Variants in DMD observed in about 807,000 individuals in gnomAD.
The protein encoded by DMD is mutant dystrophin.
In DMD, 63 loss-of-function variants were observed where a neutral mutation model predicts 330.1. The observed-to-expected ratio is 0.19, with a 90% confidence interval of 0.16 to 0.24. The LOEUF (loss-of-function observed/expected upper bound fraction) is 0.24, where lower values mean the gene tolerates loss of function less well. Among genes scored for constraint, DMD ranks in the 10% least tolerant of loss-of-function variants. The probability of loss-of-function intolerance (pLI) is 1.00; values close to 1 mark genes in which losing one functional copy is unlikely to be tolerated. For missense variants in DMD, 3,344 were observed against 2,684.1 expected, an observed-to-expected ratio of 1.25 and a Z score of -5.43; for synonymous variants, 1,223 against 959.8, an observed-to-expected ratio of 1.27 and a Z score of -5.07.
At position 32,193,527 on chromosome X, in the gene DMD, G is replaced by A. The variant is rs193046752; in HGVS notation, c.6438+23389C>T. Among the ~76,000 whole-genome samples, 230 of 111,218 alleles carry A rather than the reference G, an allele frequency of 2.1e-3. 1 individual carries two copies. Among genetic ancestry groups the A allele is most frequent in the African/African-American group, 7.3e-3 (223 of 30,540 alleles). On this transcript the variant is annotated intron_variant, in intron 44 of 78. Transcript: ENST00000357033. ...ATGGTGCTTTTAGTGTTTCACCTTT[G>A]CTGTTCTGCTAACATATCCTCAATA...
chrX:31,571,164 A>G (rs1387259219), intron 55 of DMD, among the ~76,000 whole-genome samples: 4 of 111,203 alleles, frequency 3.6e-5, no homozygotes, highest in Non-Finnish European at 7.5e-5. Flanking sequence ...ATAAAGTAGA[A>G]TGTCCCATCA....
chrX:33,064,201 T>C (rs1356784959), intron 1 of DMD, among the ~76,000 whole-genome samples: 1 of 111,722 alleles, frequency 9.0e-6, no homozygotes, highest in African/African-American at 3.3e-5. Context: ...GATTTTATTA[T>C]ACTTTTTATA....
rs2093501348 is a variant in DMD, at chrX:33,009,148, ATATACGTATATATGTATATATATGTGTAT to A, written c.93+10962_93+10990del. Reference sequence around the variant, plus strand: ...CGTATATATGTATATATATGTGTATATATACGTATATATGTATATATATGTGTATATATACGTATATATGTATATATGTG... The same window carrying A: ...CGTATATATGTATATATATGTGTATAATATACGTATATATGTATATATGTG... On this transcript the variant is annotated intron_variant, in intron 2 of 78. Coordinates refer to ENST00000357033, the MANE Select transcript of DMD (RefSeq NM_004006.3). 4.4e-5 allele frequency among the ~76,000 whole-genome samples: 2 copies of A among 45,342 alleles called. 1 individual carries two copies. The highest frequency in any genetic ancestry group is 7.9e-5 in the Non-Finnish European group (2 of 25,341). The allele number at this position is 45,342 out of a possible 115,157, so 39.4% of individuals were successfully genotyped here. A position where few individuals can be genotyped will look rare whatever the true frequency, so the allele number is the denominator to read the frequency against.
At position 32,361,336 on chromosome X, in the gene DMD, A is replaced by G. The variant is rs370832109; in HGVS notation, c.5325+1452T>C. ...CCTGTCACATTTTTTTGCAGGTAAT[A>G]ATGACTGACTCAAATATATATATTT... On this transcript the variant is annotated intron_variant, in intron 37 of 78. Coordinates refer to ENST00000357033, the MANE Select transcript of DMD (RefSeq NM_004006.3). 1.1e-4 allele frequency among the ~76,000 whole-genome samples: 12 copies of G among 111,537 alleles called. No homozygotes were observed. In the East Asian group the frequency reaches 3.4e-3, roughly 31 times the overall value.
intron 16 of DMD, among the ~76,000 whole-genome samples, chrX:32,551,380 C>A (rs2049538119): frequency 9.0e-6 from 1 of 111,290 alleles, no homozygotes; most frequent in Non-Finnish European, 1.9e-5. Context: ...AACAAAAAAT[C>A]AAAAACCACA....
chrX:32,731,950 G>A (rs536914410), intron 7 of DMD, among the ~76,000 whole-genome samples: 32 of 112,006 alleles, frequency 2.9e-4, no homozygotes, highest in Admixed American at 2.5e-3. Context: ...GGCTTCAGAC[G>A]ATCAAATTAC....
intron 16 of DMD, among the ~76,000 whole-genome samples, chrX:32,551,446 G>A (rs940181759): frequency 9.0e-6 from 1 of 111,557 alleles, no homozygotes; most frequent in Non-Finnish European, 1.9e-5. Context: ...ACCCTTTCAT[G>A]TTAAAAATCC....
chrX:31,633,708 C>T (rs1431815467), intron 54 of DMD, among the ~76,000 whole-genome samples: 1 of 112,078 alleles, frequency 8.9e-6, no homozygotes, highest in Non-Finnish European at 1.9e-5. Context: ...TTTACTCTTT[C>T]CATCAAAAGA....
intron 5 of DMD, among the ~76,000 whole-genome samples, chrX:32,822,288 C>A (rs926138983): frequency 4.5e-5 from 5 of 110,372 alleles, no homozygotes; most frequent in Non-Finnish European, 9.5e-5. Context: ...GTGAAGGGAC[C>A]ATGGCCCAGA....
At chrX:32,176,778 C>A (rs1423169422) in intron 44 of DMD, among the ~76,000 whole-genome samples, 4 of 111,027 alleles carry the variant, frequency 3.6e-5, no homozygotes, top group Non-Finnish European at 7.5e-5. Context: ...TCACGGTCAC[C>A]TTTCGTCCTG....
Position 31,365,756 on chromosome X carries a change from G to A in DMD, c.9085-17122C>T, listed in dbSNP as rs754313221. Among the ~76,000 whole-genome samples, 31 of 112,711 alleles carry A rather than the reference G, an allele frequency of 2.8e-4. No individual in the cohort carries two copies. In the South Asian group the frequency reaches 9.9e-3, roughly 36 times the overall value. ...ATGAGTTTTCCATCAATAATTGTCT[G>A]CTATGACACCAAAGTATTCCCCACC... On this transcript the variant is annotated intron_variant, in intron 60 of 78. Transcript: ENST00000357033.
chrX:32,412,269 T>G lies in DMD; in HGVS notation c.4072-356A>C, dbSNP rs72468652. ...TGATCTCATTATATAGTTCAAGAGA[T>G]TTGGTTTGCTTAGAATAGGGTCATC... On this transcript the variant is annotated intron_variant, in intron 29 of 78. Transcript: ENST00000357033. 122 of 960,799 alleles carry G rather than the reference T, an allele frequency of 1.3e-4. No individual in the cohort carries two copies. In the East Asian group the frequency reaches 7.0e-3, roughly 55 times the overall value. The allele number at this position is 960,799 out of a possible 1,213,427, so 79.2% of individuals were successfully genotyped here.
At chrX:32,339,578 G>T (rs2097731479) in intron 41 of DMD, among the ~76,000 whole-genome samples, 1 of 111,505 alleles carries the variant, frequency 9.0e-6, no homozygotes, top group South Asian at 3.7e-4. Flanking sequence ...TTCCCTCAAA[G>T]TCTCAGTCCT....
intron 2 of DMD, among the ~76,000 whole-genome samples, chrX:32,943,719 C>T (rs2090592151): frequency 8.9e-6 from 1 of 111,901 alleles, no homozygotes; most frequent in South Asian, 3.7e-4. Flanking sequence ...CACGCTTTCT[C>T]TTGATTGGTA....
rs371301704 is a variant in DMD, at chrX:32,599,577, T to C, written c.1483-3701A>G. ...GGATTTGCTAATTAAGCCTGAAATATGAGCCAAATAGTTTCCAAATATAGA... is the reference window on the plus strand; with the variant it reads ...GGATTTGCTAATTAAGCCTGAAATACGAGCCAAATAGTTTCCAAATATAGA... On this transcript the variant is annotated intron_variant, in intron 12 of 78. Coordinates refer to ENST00000357033, the MANE Select transcript of DMD (RefSeq NM_004006.3). Among the ~76,000 whole-genome samples the C allele has an allele frequency of 1.2e-4, 14 of 112,252 alleles. 1 individual carries two copies. The East Asian group carries it at 1.7e-3, about 13-fold the overall frequency.
intron 44 of DMD, among the ~76,000 whole-genome samples, chrX:32,038,321 T>A (rs1199060463): frequency 8.9e-6 from 1 of 112,103 alleles, no homozygotes; most frequent in Non-Finnish European, 1.9e-5. Context: ...TCCCGTGACC[T>A]TTCCTACACT....
intron 44 of DMD, among the ~76,000 whole-genome samples, chrX:31,998,067 C>A (rs2095601156): frequency 9.0e-6 from 1 of 111,367 alleles, no homozygotes; most frequent in African/African-American, 3.3e-5. Context: ...TAAGATTAAA[C>A]CCAGCAAACG....
chrX:31,627,524 T>C, intron 55 of DMD, 149 bp downstream of exon 55: 1 of 565,881 alleles, frequency 1.8e-6, no homozygotes. Flanking sequence ...TCCCTCTGCC[T>C]CTCTCCTCCT....
At chrX:31,647,257 T>G (rs988442289) in intron 54 of DMD, among the ~76,000 whole-genome samples, 4 of 111,691 alleles carry the variant, frequency 3.6e-5, no homozygotes, top group Non-Finnish European at 5.6e-5. Context: ...CCTTCCAAAT[T>G]GATAGGTATC....
Sources: allele counts gnomAD v4.1 joint callset (sites outside exome capture counted in the v4.1 genomes callset), GRCh38; gene constraint gnomAD v4.1.1; transcripts MANE v1.5; gene names NCBI Gene and HGNC (gene_info 2026-07-23, HGNC 2026-07-21).